ESPL1: variants seen among roughly 807,000 people sequenced by gnomAD.
ESPL1 encodes the protein extra spindle pole bodies like 1, separase.
Under a neutral mutation model 217.2 loss-of-function variants are expected in ESPL1, and 50 were observed. That is an observed-to-expected ratio of 0.23 (90% CI 0.18 to 0.29). The LOEUF is 0.29. Among genes scored for constraint, ESPL1 ranks in the 10% least tolerant of loss-of-function variants. The probability of loss-of-function intolerance (pLI) is 1.00; values close to 1 mark genes in which losing one functional copy is unlikely to be tolerated. For synonymous variants in ESPL1, 994 were observed against 1,081.3 expected, an observed-to-expected ratio of 0.92 and a Z score of 1.58; for missense variants, 1,834 against 2,603.0, an observed-to-expected ratio of 0.70 and a Z score of 6.43.
Position 53,290,399 on chromosome 12 carries a change from A to G in ESPL1, c.5294A>G (p.Lys1765Arg). 2 of 1,613,492 alleles carry G rather than the reference A, an allele frequency of 1.2e-6. No homozygotes were observed. Among genetic ancestry groups the G allele is most frequent in the Non-Finnish European group, 1.7e-6 (2 of 1,179,988 alleles). ...NEFDAIQKAQ[K>R]ENSSCTDKRE... ...TTTGATGCCATCCAGAAGGCACAGA[A>G]AGAGAACAGCAGCTGTACTGACAAG... Residue 1765 changes from lysine (K) to arginine (R), a missense_variant, in exon 24 of 31, where the codon AAA becomes AGA. Lys to Arg is a conservative substitution (Grantham distance 26). Coordinates refer to ENST00000257934, the MANE Select transcript of ESPL1 (RefSeq NM_012291.5).
Position 53,270,782 on chromosome 12 carries a change from C to T in ESPL1, c.1353C>T (p.Asp451=), listed in dbSNP as rs1943656026. The T allele has an allele frequency of 1.9e-6, 3 of 1,614,192 alleles. No homozygotes were observed. Among genetic ancestry groups the T allele is most frequent in the Non-Finnish European group, 2.5e-6 (3 of 1,180,030 alleles). The change falls in exon 5 of 31, where the codon GAC becomes GAT. Residue 451 remains aspartate, a synonymous_variant. Coordinates refer to ENST00000257934, the MANE Select transcript of ESPL1 (RefSeq NM_012291.5). ...GCCTGTCGGGCCAAGAGCTGACGGA[C>T]CACATGGGGATGACCGGTTAGTGCC... ...LEGLSGQELT[D]HMGMTASYTS...
At chr12:53,272,897 G>T in intron 6 of ESPL1, 40 bp downstream of exon 6, 1 of 1,607,414 alleles carries the variant, frequency 6.2e-7, no homozygotes, top group South Asian at 1.1e-5. Context: ...AGCTTATGTG[G>T]TTGGGGAGCG....
At chr12:53,277,673 C>T (rs1030061762) in intron 10 of ESPL1, 65 bp downstream of exon 10, 6 of 1,592,068 alleles carry the variant, frequency 3.8e-6, no homozygotes, top group Non-Finnish European at 5.2e-6. Flanking sequence ...ACAGGGACCC[C>T]TGGTGAGGGA....
rs764204340 is a variant in ESPL1, at chr12:53,269,019, C to T, written c.82-5C>T. ...AGCCCCATTCATATCTTTCTCTACTCCTAGGAGTTCCTGTCCAACCCTCCA... is the reference window on the plus strand; with the variant it reads ...AGCCCCATTCATATCTTTCTCTACTTCTAGGAGTTCCTGTCCAACCCTCCA... On this transcript the variant is annotated splice_region_variant and splice_polypyrimidine_tract_variant and intron_variant, in intron 2 of 30. Coordinates refer to ENST00000257934, the MANE Select transcript of ESPL1 (RefSeq NM_012291.5). This position sits in a 1 kb window ranked among gnomAD's most constrained non-coding sequence, Gnocchi z 6.7. The T allele has an allele frequency of 6.2e-7, 1 of 1,607,790 alleles. No homozygotes were observed. The highest frequency in any genetic ancestry group is 1.1e-5 in the South Asian group (1 of 90,466).
rs757716791 is a variant in ESPL1 at position 53,278,427 on chromosome 12, G to A, written c.2364+467G>A. On this transcript the variant is annotated intron_variant, in intron 11 of 30. Transcript: ENST00000257934. ...GGAGGTAGAGGTTGCAGTGAGCCAAGATCGCGCCACTGCACTCCATCCTGG... is the reference window on the plus strand; with the variant it reads ...GGAGGTAGAGGTTGCAGTGAGCCAAAATCGCGCCACTGCACTCCATCCTGG... Among the ~76,000 whole-genome samples, 11 of 150,526 alleles carry A rather than the reference G, an allele frequency of 7.3e-5. No individual in the cohort carries two copies. In the South Asian group the frequency reaches 8.5e-4, roughly 12 times the overall value.
rs1943892470 is a variant in ESPL1, at chr12:53,283,189, T to A, written c.2852T>A (p.Leu951His). ...DSHKLLRSIILLLMGSDILST... is the reference protein window; with the variant it reads ...DSHKLLRSIIHLLMGSDILST... ...CATAAGCTCCTCCGAAGCATCATCC[T>A]CCTGCTGATGGGCAGTGACATTCTC... is the stretch of plus-strand genomic sequence containing the variant. The change falls in exon 15 of 31, where the codon CTC (leucine) becomes CAC (histidine). Residue 951 changes from leucine (L) to histidine (H), a missense_variant. This residue lies in a region of ESPL1 where 107 missense variants were observed against 171.7 expected (regional missense o/e 0.62). Coordinates refer to ENST00000257934, the MANE Select transcript of ESPL1 (RefSeq NM_012291.5). 6.2e-7 allele frequency: 1 copy of A among 1,613,948 alleles called. No individual in the cohort carries two copies. Among genetic ancestry groups the A allele is most frequent in the Non-Finnish European group, 8.5e-7 (1 of 1,179,904 alleles).
chr12:53,286,153 C>T lies in ESPL1; in HGVS notation c.3417C>T (p.Phe1139=). The change falls in exon 18 of 31, where the codon TTC becomes TTT. Residue 1139 remains phenylalanine (F), a synonymous_variant. Transcript: ENST00000257934. This position sits in a 1 kb window ranked among gnomAD's most constrained non-coding sequence, Gnocchi z 5.3. Reference sequence around the variant, plus strand: ...CCAAGCCCCAGCCCATACCCAACTTCCTGTCCCATTCACCCACCTGTGACT... The same window carrying T: ...CCAAGCCCCAGCCCATACCCAACTTTCTGTCCCATTCACCCACCTGTGACT... ...LKTKPQPIPN[F]LSHSPTCDCS... 6.2e-7 allele frequency: 1 copy of T among 1,614,264 alleles called. No individual in the cohort carries two copies. Among genetic ancestry groups the T allele is most frequent in the Non-Finnish European group, 8.5e-7 (1 of 1,180,048 alleles).
chr12:53,272,164 CA>C lies in ESPL1; in HGVS notation c.1370-553del, dbSNP rs1374777718. Among the ~76,000 whole-genome samples, 2 of 151,934 alleles carry C rather than the reference CA, an allele frequency of 1.3e-5. 1 individual carries two copies. The highest frequency in any genetic ancestry group is 6.4e-3 in the Middle Eastern group (2 of 314). On this transcript the variant is annotated intron_variant, in intron 5 of 30. Transcript: ENST00000257934. ...TGGAGTACTTGGATGTGTCGGTAAG[CA>C]AAACAAAGTTTCCTTCCCTCATGGA...
intron 8 of ESPL1, 57 bp downstream of exon 8, chr12:53,276,916 C>T: frequency 6.3e-7 from 1 of 1,586,464 alleles, no homozygotes; most frequent in Non-Finnish European, 8.6e-7. Flanking sequence ...TCCTCTCACC[C>T]TCTTGAGAAC....
At position 53,293,417 on chromosome 12, in the gene ESPL1, C is replaced by T. The variant is rs1944096924; in HGVS notation, c.6306C>T (p.Leu2102=). 2 of 1,614,162 alleles carry T rather than the reference C, an allele frequency of 1.2e-6. No individual in the cohort carries two copies. The highest frequency in any genetic ancestry group is 1.7e-6 in the Non-Finnish European group (2 of 1,180,018). Residue 2102 remains leucine (L), a synonymous_variant, in exon 31 of 31, where the codon CTC becomes CTT. Coordinates refer to ENST00000257934, the MANE Select transcript of ESPL1 (RefSeq NM_012291.5). This position sits in a 1 kb window ranked among gnomAD's most constrained non-coding sequence, Gnocchi z 4.2. ...ACCAGGCCCGCCAAGCTCCCCGACT[C>T]AAGTATCTTATTGGGGCTGCACCTA... ...YVNQARQAPR[L]KYLIGAAPIA...
chr12:53,283,380 A>G lies in ESPL1; in HGVS notation c.2921-2A>G. On this transcript the variant is annotated splice_acceptor_variant, in intron 15 of 30. Transcript: ENST00000257934. LOFTEE classifies it high-confidence loss of function. ...ATGGTGGTCTTGTCTCTTTTGCTACAGGTGAAAATCTGGTACAAAAATGGC... is the reference window on the plus strand; with the variant it reads ...ATGGTGGTCTTGTCTCTTTTGCTACGGGTGAAAATCTGGTACAAAAATGGC... 6.2e-7 allele frequency: 1 copy of G among 1,614,028 alleles called. No homozygotes were observed. The highest frequency in any genetic ancestry group is 8.5e-7 in the Non-Finnish European group (1 of 1,179,932).
chr12:53,280,988 G>A (rs368529095), intron 12 of ESPL1, among the ~76,000 whole-genome samples: 19 of 148,928 alleles, frequency 1.3e-4, no homozygotes, highest in South Asian at 1.1e-3. Context: ...GCGAAACTCC[G>A]TCCTAAAAAA....
Position 53,269,746 on chromosome 12 carries a change from T to G in ESPL1, c.804T>G (p.His268Gln), listed in dbSNP as rs377108737. 1 of 1,614,126 alleles carries G rather than the reference T, an allele frequency of 6.2e-7. No individual in the cohort carries two copies. Among genetic ancestry groups the G allele is most frequent in the Non-Finnish European group, 8.5e-7 (1 of 1,180,018 alleles). The stretch of plus-strand genomic sequence containing the variant: ...GTCGCTTTTGCTGGAGCCGCCACCA[T>G]GACAAAGCCATCAGCGCAGTGGAGA... Reference protein sequence around the residue: ...HCRRFCWSRHHDKAISAVEKA... With the variant: ...HCRRFCWSRHQDKAISAVEKA... The change falls in exon 3 of 31, where the codon CAT becomes CAG. Residue 268 changes from histidine (H) to glutamine (Q), a missense_variant. Around this residue, in one of 5 missense-constraint regions of ESPL1, gnomAD observed 746 missense variants for 1,077.0 expected, o/e 0.69. Coordinates refer to ENST00000257934, the MANE Select transcript of ESPL1 (RefSeq NM_012291.5). The surrounding 1 kb of genome is among the most constrained non-coding windows in gnomAD (Gnocchi z 6.7).
intron 12 of ESPL1, 91 bp downstream of exon 12, chr12:53,279,957 C>T: frequency 2.9e-6 from 4 of 1,399,464 alleles, no homozygotes; most frequent in Non-Finnish European, 3.8e-6. Context: ...AAAGGGGCAG[C>T]TTCTCGGCCT....
In ESPL1 at chr12:53,274,905, C is replaced by T; in HGVS notation, c.1595C>T (p.Ala532Val). 1 of 1,605,760 alleles carries T rather than the reference C, an allele frequency of 6.2e-7. No individual in the cohort carries two copies. Among genetic ancestry groups the T allele is most frequent in the Non-Finnish European group, 8.5e-7 (1 of 1,177,716 alleles). The change falls in exon 7 of 31, where the codon GCA becomes GTA. Residue 532 changes from alanine (A) to valine (V), a missense_variant. Transcript: ENST00000257934. ...TGCAAGATGGTGATTTTGTGGCTGG[C>T]AGCCCTGCAACCCTGTAGCCCTGAA... ...QGCKMVILWL[A>V]ALQPCSPEHM...
chr12:53,269,955 A>C lies in ESPL1; in HGVS notation c.1013A>C (p.Glu338Ala), dbSNP rs749073710. The change falls in exon 3 of 31, where the codon GAG becomes GCG. Residue 338 changes from glutamate to alanine, a missense_variant. Glu to Ala is a moderately radical substitution (Grantham distance 107). Around this residue, in one of 5 missense-constraint regions of ESPL1, gnomAD observed 746 missense variants for 1,077.0 expected, o/e 0.69. Coordinates refer to ENST00000257934, the MANE Select transcript of ESPL1 (RefSeq NM_012291.5). The surrounding 1 kb of genome is among the most constrained non-coding windows in gnomAD (Gnocchi z 6.7). ...TCACCCCCACTTCGGGCATTGTATG[A>C]GAGCTGCCAGTTCTTCCTTTCAGGC... ...APSPPLRALY[E>A]SCQFFLSGLE... is the part of the protein sequence containing the mutation. The C allele has an allele frequency of 3.5e-5, 57 of 1,614,056 alleles. No homozygotes were observed. Among genetic ancestry groups the C allele is most frequent in the Non-Finnish European group, 4.8e-5 (57 of 1,180,042 alleles).
intron 12 of ESPL1, 80 bp downstream of exon 12, chr12:53,279,946 C>A: frequency 6.9e-7 from 1 of 1,442,304 alleles, no homozygotes; most frequent in South Asian, 1.4e-5. Flanking sequence ...GACAGGATAT[C>A]AAAGGGGCAG....
chr12:53,277,916 G>A lies in ESPL1; in HGVS notation c.2320G>A (p.Ala774Thr). 1 of 1,614,138 alleles carries A rather than the reference G, an allele frequency of 6.2e-7. No homozygotes were observed. The highest frequency in any genetic ancestry group is 2.2e-5 in the East Asian group (1 of 44,886). Residue 774 changes from alanine to threonine, a missense_variant, in exon 11 of 31, where the codon GCC (alanine) becomes ACC (threonine). This residue lies in a region of ESPL1 where 746 missense variants were observed against 1,077.0 expected (regional missense o/e 0.69). Transcript: ENST00000257934. Reference protein sequence around the residue: ...PAVRCLQQTAASLQILAALYQ... With the variant: ...PAVRCLQQTATSLQILAALYQ... Reference sequence around the variant, plus strand: ...TGTACGGTGTCTCCAGCAGACAGCAGCCTCACTGCAGATCCTAGCAGCCCT... The same window carrying A: ...TGTACGGTGTCTCCAGCAGACAGCAACCTCACTGCAGATCCTAGCAGCCCT...
rs556808660 is a variant in ESPL1, at chr12:53,290,841, G to A, written c.5365G>A (p.Val1789Ile). ...TGAAGGGTCTGCCCTCTGCATTCAG[G>A]TTCTCATCGCTTCCCTAGAGAAGTC... Reference protein sequence around the residue: ...GRLALDHRMEVLIASLEKSVL... With the variant: ...GRLALDHRMEILIASLEKSVL... The change falls in exon 25 of 31, where the codon GTT (valine) becomes ATT (isoleucine). Residue 1789 changes from valine (V) to isoleucine (I), a missense_variant and splice_region_variant. Around this residue, in one of 5 missense-constraint regions of ESPL1, gnomAD observed 295 missense variants for 519.8 expected, o/e 0.57. Transcript: ENST00000257934. 2 of 1,590,354 alleles carry A rather than the reference G, an allele frequency of 1.3e-6. No homozygotes were observed. Among genetic ancestry groups the A allele is most frequent in the East Asian group, 4.6e-5 (2 of 43,918 alleles).
Sources: gnomAD v4.1 joint callset for allele counts (sites outside exome capture counted in the v4.1 genomes callset) on GRCh38, gnomAD v4.1.1 for gene constraint, gnomAD v4.1.1 regional missense constraint, Gnocchi (gnomAD v3.1) non-coding constraint, MANE v1.5 for transcripts, NCBI Gene and HGNC (gene_info 2026-07-23, HGNC 2026-07-21) for gene names.